TRIM69: variants seen among roughly 807,000 people sequenced by gnomAD.
TRIM69 encodes the protein tripartite motif containing 69.
In TRIM69, 29 loss-of-function variants were observed where a neutral mutation model predicts 37.7. That is an observed-to-expected ratio of 0.77 (90% CI 0.57 to 1.05). The LOEUF is 1.05. Ranked by LOEUF, TRIM69 falls within the 50% of genes least tolerant of loss-of-function variation. The pLI, the probability that TRIM69 is intolerant of heterozygous loss-of-function variation, is 0.00. For synonymous variants in TRIM69, 209 were observed against 212.4 expected (o/e 0.98, Z 0.14); for missense variants, 596 against 579.9 (o/e 1.03, Z -0.28).
chr15:44,765,552 A>G (rs1302336635), intron 6 of TRIM69, among the ~76,000 whole-genome samples: 1 of 152,172 alleles, frequency 6.6e-6, no homozygotes, highest in Non-Finnish European at 1.5e-5. Context: ...AGAGTTCATG[A>G]CTAGCCTGGC....
intron 1 of TRIM69, among the ~76,000 whole-genome samples, chr15:44,749,375 T>A (rs1420300178): frequency 6.6e-6 from 1 of 152,208 alleles, no homozygotes; most frequent in South Asian, 2.1e-4. Flanking sequence ...TCCAGTGATA[T>A]GAGCAGTCAC....
rs756396031 is a variant in TRIM69 at position 44,755,001 on chromosome 15, T to C, written c.108T>C (p.Thr36=). Residue 36 remains threonine, a synonymous_variant, in exon 2 of 7, where the codon ACT becomes ACC. Transcript: ENST00000329464. ...LPSKVVIQDI[T]MELHCPLCND... ...CTAAAGTGGTGATACAAGATATTAC[T>C]ATGGAGCTACACTGCCCTCTGTGCA... 2 of 1,614,168 alleles carry C rather than the reference T, an allele frequency of 1.2e-6. No individual in the cohort carries two copies. The highest frequency in any genetic ancestry group is 1.7e-6 in the Non-Finnish European group (2 of 1,179,998).
chr15:44,750,982 G>T (rs1261134486), intron 1 of TRIM69, among the ~76,000 whole-genome samples: 1 of 113,632 alleles, frequency 8.8e-6, no homozygotes, highest in Non-Finnish European at 1.7e-5. Flanking sequence ...TTGAGACATG[G>T]CCTCACTCTG....
chr15:44,750,682 C>T (rs1320112065), intron 1 of TRIM69, among the ~76,000 whole-genome samples: 1 of 150,128 alleles, frequency 6.7e-6, no homozygotes, highest in Non-Finnish European at 1.5e-5. Context: ...GATTTTCCCT[C>T]CAAAGAATCG....
intron 1 of TRIM69, among the ~76,000 whole-genome samples, chr15:44,752,353 A>T (rs1016200994): frequency 6.6e-6 from 1 of 152,116 alleles, no homozygotes; most frequent in African/African-American, 2.4e-5. Context: ...CCTTTATATC[A>T]TATCCTTGAT....
intron 3 of TRIM69, chr15:44,757,698 T>G (rs2087680652): frequency 6.6e-6 from 1 of 152,216 alleles, no homozygotes. Flanking sequence ...GGGACTAGTT[T>G]GCCACACATG....
At chr15:44,762,817 T>C (rs1017772585) in intron 6 of TRIM69, among the ~76,000 whole-genome samples, 10 of 152,136 alleles carry the variant, frequency 6.6e-5, no homozygotes, top group African/African-American at 7.2e-5. Flanking sequence ...TCTATCATCA[T>C]TGTCATTTCT....
At chr15:44,739,325 T>C (rs988789650) in intron 1 of TRIM69, among the ~76,000 whole-genome samples, 6 of 152,216 alleles carry the variant, frequency 3.9e-5, no homozygotes, top group African/African-American at 1.4e-4. Flanking sequence ...GATTTCTGCA[T>C]TTCCATCTGA....
At chr15:44,740,030 A>T (rs1471529463) in intron 1 of TRIM69, among the ~76,000 whole-genome samples, 2 of 152,198 alleles carry the variant, frequency 1.3e-5, no homozygotes, top group African/African-American at 2.4e-5. Flanking sequence ...CCTCTGAGAC[A>T]AAACTTCCAG....
chr15:44,751,786 C>T lies in TRIM69; in HGVS notation c.7-3114C>T, dbSNP rs2087538070. Among the ~76,000 whole-genome samples the T allele has an allele frequency of 5.3e-5, 8 of 152,150 alleles. No homozygotes were observed. In the South Asian group the frequency reaches 1.7e-3, roughly 32 times the overall value. On this transcript the variant is annotated intron_variant, in intron 1 of 6. Transcript: ENST00000329464. ...TTTGAGACAGGGTCTTGTTTTGTCA[C>T]CCATGCTGGAGTGTGTAGATGTGAT...
intron 3 of TRIM69, chr15:44,758,161 T>G (rs2087691547): frequency 6.1e-6 from 1 of 165,212 alleles, no homozygotes; most frequent in African/African-American, 2.4e-5. Flanking sequence ...GTGAGGATGT[T>G]GAGGTAACCC....
intron 1 of TRIM69, among the ~76,000 whole-genome samples, chr15:44,743,209 G>A (rs1390219889): frequency 1.3e-5 from 2 of 152,120 alleles, no homozygotes; most frequent in Admixed American, 6.5e-5. Context: ...AACAAGCAAT[G>A]GGGAAAGGAT....
intron 1 of TRIM69, among the ~76,000 whole-genome samples, chr15:44,749,213 AAT>A (rs1288406613): frequency 1.3e-5 from 2 of 152,126 alleles, no homozygotes; most frequent in Non-Finnish European, 2.9e-5. Context: ...TTTTTTCAAA[AAT>A]TGAGGTAAAA....
intron 1 of TRIM69, among the ~76,000 whole-genome samples, chr15:44,737,934 G>A (rs1045418150): frequency 6.6e-6 from 1 of 151,820 alleles, no homozygotes; most frequent in African/African-American, 2.4e-5. Flanking sequence ...AAAAATCTCT[G>A]GTAAAAATTA....
intron 2 of TRIM69, among the ~76,000 whole-genome samples, 197 bp downstream of exon 2, chr15:44,755,573 C>G (rs372608384): frequency 6.6e-6 from 1 of 152,196 alleles, no homozygotes; most frequent in East Asian, 1.9e-4. Flanking sequence ...TGGAGGAGCC[C>G]TGGCTTACTC....
intron 1 of TRIM69, among the ~76,000 whole-genome samples, chr15:44,744,479 T>C (rs1043399675): frequency 9.2e-5 from 14 of 151,822 alleles, no homozygotes; most frequent in African/African-American, 3.4e-4. Context: ...AATGGTGGAG[T>C]AGAGAAGTCC....
At position 44,754,885 on chromosome 15, in the gene TRIM69, T is replaced by C. The variant is rs1406691036; in HGVS notation, c.7-15T>C. ...ACAAGAAAGATAAACTCATTTTAGC[T>C]GTTCTTTTCTAAAGGTATCCACCAA... On this transcript the variant is annotated splice_polypyrimidine_tract_variant and intron_variant, in intron 1 of 6. Transcript: ENST00000329464. 5 of 1,562,370 alleles carry C rather than the reference T, an allele frequency of 3.2e-6. No individual in the cohort carries two copies. The African/African-American group carries it at 6.8e-5, about 21-fold the overall frequency.
rs141618387 is a variant in TRIM69 at position 44,759,917 on chromosome 15, C to T, written c.961+45C>T. 5.3e-5 allele frequency: 83 copies of T among 1,580,452 alleles called. No homozygotes were observed. The African/African-American group carries it at 6.6e-4, about 13-fold the overall frequency. On this transcript the variant is annotated intron_variant, in intron 6 of 6. Coordinates refer to ENST00000329464, the MANE Select transcript of TRIM69 (RefSeq NM_182985.5). The stretch of plus-strand genomic sequence containing the variant: ...ATTGGTTCTTGAGGCTCCTAATCTA[C>T]GTTTAATCTGTGGGACTTCTTCTGT...
rs869059418 is a variant in TRIM69, at chr15:44,750,715, C to CTTTTTTTTTTTTTTT, written c.7-4172_7-4158dup. 6.8e-5 allele frequency among the ~76,000 whole-genome samples: 7 copies of CTTTTTTTTTTTTTTT among 102,842 alleles called. 3 individuals carry two copies. The highest frequency in any genetic ancestry group is 1.2e-4 in the African/African-American group (3 of 25,906). The allele number at this position is 102,842 out of a possible 152,430, so 67.5% of individuals were successfully genotyped here. ...TCGCATTTTTATTTCATTACTTTTTCTTTTTTTTTTTTTTTTTTTTTTTTT... is the reference window on the plus strand; with the variant it reads ...TCGCATTTTTATTTCATTACTTTTTCTTTTTTTTTTTTTTTTTTTTTTTTTTTTTTTTTTTTTTTT... On this transcript the variant is annotated intron_variant, in intron 1 of 6. Transcript: ENST00000329464.
Sources: allele counts gnomAD v4.1 joint callset (sites outside exome capture counted in the v4.1 genomes callset), GRCh38; gene constraint gnomAD v4.1.1; transcripts MANE v1.5; gene names NCBI Gene and HGNC (gene_info 2026-07-23, HGNC 2026-07-21).